The following PIK3C2B variants were observed in gnomAD, a reference collection of about 807,000 sequenced individuals.
PIK3C2B encodes phosphatidylinositol 4-phosphate 3-kinase C2 domain-containing subunit beta.
Under a neutral mutation model 184.3 loss-of-function variants are expected in PIK3C2B, and 83 were observed. That is an observed-to-expected ratio of 0.45 (90% CI 0.38 to 0.54). The LOEUF is 0.54. Among genes scored for constraint, PIK3C2B ranks in the 20% least tolerant of loss-of-function variants. The pLI, the probability that PIK3C2B is intolerant of heterozygous loss-of-function variation, is 0.00. For synonymous variants in PIK3C2B, 779 were observed against 837.6 expected (o/e 0.93, Z 1.21); for missense variants, 1,736 against 2,113.5 (o/e 0.82, Z 3.50).
At chr1:204,468,717 A>T (rs1451092236) in intron 2 of PIK3C2B, among the ~76,000 whole-genome samples, 153 bp downstream of exon 2, 1 of 151,746 alleles carries the variant, frequency 6.6e-6, no homozygotes, top group Non-Finnish European at 1.5e-5. Flanking sequence ...CCTCCCCTGG[A>T]CCTCCCCCAC....
intron 23 of PIK3C2B, among the ~76,000 whole-genome samples, 172 bp downstream of exon 23, chr1:204,438,763 G>A (rs1339047016): frequency 1.3e-5 from 2 of 152,182 alleles, no homozygotes; most frequent in Non-Finnish European, 2.9e-5. Flanking sequence ...AGGCATTTGA[G>A]TGAGTCACCC....
intron 15 of PIK3C2B, 31 bp from the exon 16 acceptor site, chr1:204,446,175 G>A (rs780168804): frequency 6.8e-7 from 1 of 1,480,596 alleles, no homozygotes; most frequent in South Asian, 1.3e-5. Flanking sequence ...AGAAGGTGGT[G>A]GGAGGGTAGG....
intron 1 of PIK3C2B, among the ~76,000 whole-genome samples, chr1:204,482,871 C>A (rs1477167901): frequency 6.6e-6 from 1 of 152,122 alleles, no homozygotes; most frequent in Admixed American, 6.5e-5. Context: ...GGGAAGAAGG[C>A]AGTGGTCCTG....
chr1:204,437,978 G>A (rs188068078), intron 23 of PIK3C2B, among the ~76,000 whole-genome samples: 5 of 152,246 alleles, frequency 3.3e-5, no homozygotes, highest in African/African-American at 1.2e-4. Context: ...AGGATGAGCT[G>A]GCACAAGAAG....
intron 11 of PIK3C2B, 81 bp downstream of exon 11, chr1:204,455,775 G>A (rs1654797191): frequency 9.5e-7 from 1 of 1,058,038 alleles, no homozygotes; most frequent in African/African-American, 1.6e-5. Flanking sequence ...TAGGACAGTG[G>A]TATTACATGC....
intron 28 of PIK3C2B, among the ~76,000 whole-genome samples, chr1:204,430,949 C>T (rs548850051): frequency 9.8e-5 from 15 of 152,296 alleles, no homozygotes; most frequent in South Asian, 2.1e-4. Flanking sequence ...CCACTGCGCC[C>T]GGCCTGAAAA....
chr1:204,469,525 T>C lies in PIK3C2B; in HGVS notation c.278A>G (p.Tyr93Cys), dbSNP rs772797695. 4 of 1,603,380 alleles carry C rather than the reference T, an allele frequency of 2.5e-6. No individual in the cohort carries two copies. In the African/African-American group the frequency reaches 4.0e-5, roughly 16 times the overall value. Residue 93 changes from tyrosine (Y) to cysteine (C), a missense_variant, in exon 2 of 33, where the codon TAC becomes TGC. Physicochemically the swap from Tyr to Cys is radical, Grantham distance 194. Around this residue, in one of 8 missense-constraint regions of PIK3C2B, gnomAD observed 404 missense variants for 418.0 expected, o/e 0.97. Transcript: ENST00000684373. ...GLSGSDPTLN[Y>C]NSLSPQEGPP... is the part of the protein sequence containing the mutation. ...CCCTTCCTGTGGGGAGAGTGAGTTG[T>C]AGTTAAGGGTAGGATCAGAGCCAGA...
intron 21 of PIK3C2B, among the ~76,000 whole-genome samples, 195 bp downstream of exon 21, chr1:204,441,270 CCCTATA>C (rs1325844852): frequency 6.6e-6 from 1 of 152,202 alleles, no homozygotes; most frequent in African/African-American, 2.4e-5. Context: ...CCAGTTGCCT[CCCTATA>C]CCTAACACTC....
At chr1:204,482,301 T>A (rs1046839886) in intron 1 of PIK3C2B, among the ~76,000 whole-genome samples, 4 of 152,128 alleles carry the variant, frequency 2.6e-5, no homozygotes, top group African/African-American at 9.7e-5. Flanking sequence ...TTAGCCCAGG[T>A]TGATCCAGGT....
intron 1 of PIK3C2B, among the ~76,000 whole-genome samples, chr1:204,490,695 G>A (rs1328889856): frequency 1.3e-5 from 2 of 151,752 alleles, no homozygotes; most frequent in Non-Finnish European, 2.9e-5. Context: ...AGGCCGAGGT[G>A]GGAGGATCAC....
intron 1 of PIK3C2B, among the ~76,000 whole-genome samples, chr1:204,471,660 T>C (rs1656293121): frequency 7.0e-6 from 1 of 142,384 alleles, no homozygotes; most frequent in South Asian, 2.4e-4. Context: ...TCTCACATGA[T>C]GGCTTCACTG....
At chr1:204,427,550 T>C (rs1674810888) in intron 31 of PIK3C2B, 98 bp downstream of exon 31, 1 of 768,812 alleles carries the variant, frequency 1.3e-6, no homozygotes, top group Non-Finnish European at 2.3e-6. Flanking sequence ...TAGACTGTGG[T>C]GGTTACCCAT....
intron 1 of PIK3C2B, among the ~76,000 whole-genome samples, chr1:204,493,352 C>A (rs1293576236): frequency 6.6e-6 from 1 of 151,918 alleles, no homozygotes. Flanking sequence ...GCCCAGGGTA[C>A]AAAACTCTCC....
Position 204,471,730 on chromosome 1 carries a change from C to T in PIK3C2B, c.-84-1844G>A, listed in dbSNP as rs183561983. 5.9e-3 allele frequency among the ~76,000 whole-genome samples: 889 copies of T among 151,766 alleles called. 10 individuals carry two copies. The highest frequency in any genetic ancestry group is 0.02 in the African/African-American group (839 of 41,070). ...CATGATGGCTTCACTGGTATTCTCA[C>T]ATGTCAAAACTTATCAAATTACACA... On this transcript the variant is annotated intron_variant, in intron 1 of 32. Transcript: ENST00000684373.
intron 2 of PIK3C2B, chr1:204,466,943 C>T (rs769707286): frequency 7.1e-5 from 38 of 532,380 alleles, no homozygotes; most frequent in Non-Finnish European, 8.1e-5. Context: ...CCGACGAAAG[C>T]GGGGCGGTGG....
chr1:204,425,382 T>C (rs1558225925), intron 32 of PIK3C2B, among the ~76,000 whole-genome samples: 3 of 152,202 alleles, frequency 2.0e-5, no homozygotes, highest in South Asian at 2.1e-4. Context: ...AAACTTTTTA[T>C]GTAAAGGGAC....
chr1:204,428,299 G>T (rs60317484), intron 29 of PIK3C2B, 79 bp from the exon 30 acceptor site: 96,678 of 838,358 alleles, frequency 0.12, 9,312 homozygotes, highest in East Asian at 0.48. Flanking sequence ...TGTTCCAGAT[G>T]TAAAAAGACT....
At position 204,460,694 on chromosome 1, in the gene PIK3C2B, C is replaced by T. The variant is rs544116212; in HGVS notation, c.1311-33G>A. 2.7e-4 allele frequency: 363 copies of T among 1,360,298 alleles called. 4 individuals carry two copies. The South Asian group carries it at 4.1e-3, about 15-fold the overall frequency. 84.3% of individuals were successfully genotyped at this position (1,360,298 alleles called of 1,614,324 possible). A position where few individuals can be genotyped will look rare whatever the true frequency, so the allele number is the denominator to read the frequency against. Reference sequence around the variant, plus strand: ...GGTAGAGGGACAAGACCATTAGCATCCTGGGGACTCAGTGGCAAGGGAGAT... The same window carrying T: ...GGTAGAGGGACAAGACCATTAGCATTCTGGGGACTCAGTGGCAAGGGAGAT... On this transcript the variant is annotated intron_variant, in intron 5 of 32. Transcript: ENST00000684373.
chr1:204,459,861 C>T lies in PIK3C2B; in HGVS notation c.1566+17G>A. On this transcript the variant is annotated intron_variant, in intron 8 of 32. Coordinates refer to ENST00000684373, the MANE Select transcript of PIK3C2B (RefSeq NM_001377334.1). ...GAGCTTTCGGGCAGCAGGGCCAGCC[C>T]CTGGATTCGTACTCACATCAGCCAG... 1.2e-6 allele frequency: 2 copies of T among 1,610,114 alleles called. No homozygotes were observed. The highest frequency in any genetic ancestry group is 1.7e-6 in the Non-Finnish European group (2 of 1,177,152).
Sources: gnomAD v4.1 joint callset for allele counts (sites outside exome capture counted in the v4.1 genomes callset) on GRCh38, gnomAD v4.1.1 for gene constraint, gnomAD v4.1.1 regional missense constraint, MANE v1.5 for transcripts, NCBI Gene and HGNC (gene_info 2026-07-23, HGNC 2026-07-21) for gene names.